Variants in LCK observed in about 807,000 individuals in gnomAD.
LCK encodes the protein tyrosine-protein kinase Lck.
LCK carries 14 observed loss-of-function variants against 64.6 expected under a neutral mutation model. The observed-to-expected ratio is 0.22, with a 90% CI of 0.14 to 0.34. LCK has a LOEUF of 0.34. Among genes scored for constraint, LCK ranks in the 10% least tolerant of loss-of-function variants. The pLI, the probability that LCK is intolerant of heterozygous loss-of-function variation, is 1.00. For missense variants in LCK, 434 were observed against 668.1 expected (o/e 0.65, Z 3.86); for synonymous variants, 277 against 263.6 (o/e 1.05, Z -0.49).
At chr1:32,284,340 A>C (rs1265547192) in intron 12 of LCK, among the ~76,000 whole-genome samples, 1 of 148,120 alleles carries the variant, frequency 6.8e-6, no homozygotes, top group Non-Finnish European at 1.5e-5. Flanking sequence ...AGATATATAT[A>C]TAATAATATA....
chr1:32,272,936 G>A (rs1441611293), intron 1 of LCK, among the ~76,000 whole-genome samples: 1 of 148,600 alleles, frequency 6.7e-6, no homozygotes, highest in Non-Finnish European at 1.5e-5. Flanking sequence ...ATGAATGTGT[G>A]TTGGGGAGGG....
At chr1:32,264,115 G>A (rs1239518719) in intron 1 of LCK, among the ~76,000 whole-genome samples, 1 of 152,118 alleles carries the variant, frequency 6.6e-6, no homozygotes, top group Non-Finnish European at 1.5e-5. Context: ...CACTGCATAT[G>A]TTTTCATATG....
At chr1:32,278,535 C>T (rs548785160) in intron 9 of LCK, among the ~76,000 whole-genome samples, 3 of 152,204 alleles carry the variant, frequency 2.0e-5, no homozygotes, top group Admixed American at 6.5e-5. Context: ...GACAGGTTTT[C>T]GCCTTGTTGG....
At chr1:32,285,274 C>A (rs566383644) in intron 12 of LCK, among the ~76,000 whole-genome samples, 2 of 152,070 alleles carry the variant, frequency 1.3e-5, no homozygotes, top group South Asian at 4.1e-4. Context: ...GCACTCCAGC[C>A]TGGGCAACAA....
intron 1 of LCK, among the ~76,000 whole-genome samples, chr1:32,262,059 T>C (rs1639789370): frequency 6.7e-6 from 1 of 149,318 alleles, no homozygotes; most frequent in Non-Finnish European, 1.5e-5. Flanking sequence ...AATCTTTGTA[T>C]TTTTAGTAGA....
At chr1:32,282,033 G>A (rs1246356925) in intron 12 of LCK, among the ~76,000 whole-genome samples, 2 of 152,150 alleles carry the variant, frequency 1.3e-5, no homozygotes, top group Admixed American at 6.6e-5. Context: ...TCATGCCACC[G>A]CACTCCAGCC....
At chr1:32,274,908 C>G in intron 3 of LCK, 85 bp from the exon 4 acceptor site, 1 of 1,613,986 alleles carries the variant, frequency 6.2e-7, no homozygotes, top group Non-Finnish European at 8.5e-7. Flanking sequence ...TCTCCCCGGT[C>G]TTGCCTTCCT....
At chr1:32,260,137 G>A (rs1015744593) in intron 1 of LCK, among the ~76,000 whole-genome samples, 3 of 151,708 alleles carry the variant, frequency 2.0e-5, no homozygotes, top group Admixed American at 6.6e-5. Context: ...TCAGCCTTCC[G>A]AGTAGCTGGG....
intron 1 of LCK, among the ~76,000 whole-genome samples, chr1:32,267,841 C>A (rs1462608799): frequency 2.0e-5 from 3 of 151,016 alleles, no homozygotes; most frequent in Non-Finnish European, 4.4e-5. Context: ...TTGCAGTGAG[C>A]CGAGATCACA....
At chr1:32,266,775 C>CT in intron 1 of LCK, among the ~76,000 whole-genome samples, 1 of 31,602 alleles carries the variant, frequency 3.2e-5, no homozygotes, top group African/African-American at 1.7e-4. Context: ...CCCTCCCCTT[C>CT]CCCCTCCTCC....
chr1:32,280,443 C>CTTTTTTTTTT (rs770430504), intron 12 of LCK, among the ~76,000 whole-genome samples: 15 of 84,740 alleles, frequency 1.8e-4, no homozygotes, highest in African/African-American at 2.7e-4. Flanking sequence ...TTTTCTTTTT[C>CTTTTTTTTTT]TTTTTTTTTT....
chr1:32,262,699 C>G (rs1639807981), intron 1 of LCK, among the ~76,000 whole-genome samples: 1 of 151,848 alleles, frequency 6.6e-6, no homozygotes, highest in African/African-American at 2.4e-5. Context: ...GCTGGGATTA[C>G]AGGCGTGAGT....
chr1:32,269,009 C>T (rs1640005377), intron 1 of LCK, among the ~76,000 whole-genome samples: 1 of 151,184 alleles, frequency 6.6e-6, no homozygotes, highest in East Asian at 1.9e-4. Context: ...TGGTGCACGC[C>T]TGTAGTCCCA....
At chr1:32,268,775 T>C (rs1382052838) in intron 1 of LCK, among the ~76,000 whole-genome samples, 1 of 146,144 alleles carries the variant, frequency 6.8e-6, no homozygotes, top group Non-Finnish European at 1.5e-5. Flanking sequence ...ATCGTGCCAT[T>C]GCACTCCAGC....
At chr1:32,262,336 G>A (rs1269910383) in intron 1 of LCK, among the ~76,000 whole-genome samples, 3 of 148,284 alleles carry the variant, frequency 2.0e-5, no homozygotes, top group African/African-American at 7.4e-5. Flanking sequence ...CCCCATCTCT[G>A]CTAAAAATAC....
At chr1:32,256,716 C>T (rs1462875542) in intron 1 of LCK, among the ~76,000 whole-genome samples, 1 of 152,172 alleles carries the variant, frequency 6.6e-6, no homozygotes, top group African/African-American at 2.4e-5. Context: ...AATAGGCCAG[C>T]TCCTTTAATC....
rs1218166453 is a variant in LCK, at chr1:32,274,424, G to T, written c.95G>T (p.Gly32Val). Reference protein sequence around the residue: ...NCHYPIVPLDGKGTLLIRNGS... With the variant: ...NCHYPIVPLDVKGTLLIRNGS... ...CATTATCCCATAGTCCCACTGGATG[G>T]CAAGGGCACGGTAAGAGGCGAGACA... Residue 32 changes from glycine (G) to valine (V), a missense_variant, in exon 2 of 13, where the codon GGC (glycine) becomes GTC (valine). Transcript: ENST00000336890. 6.2e-7 allele frequency: 1 copy of T among 1,612,172 alleles called. No homozygotes were observed. The highest frequency in any genetic ancestry group is 8.5e-7 in the Non-Finnish European group (1 of 1,178,966).
Position 32,276,982 on chromosome 1 carries a change from CG to C in LCK, c.964+199del, listed in dbSNP as rs1180568764. ...AATCCCAGCACTTTGGGAGCCGAGG[CG>C]GGCAGATCACGAGGTCAGGAGTTCG... is the stretch of plus-strand genomic sequence containing the variant. On this transcript the variant is annotated intron_variant, in intron 9 of 12. Transcript: ENST00000336890. The surrounding 1 kb of genome is among the most constrained non-coding windows in gnomAD (Gnocchi z 4.6). 3 of 455,692 alleles carry C rather than the reference CG, an allele frequency of 6.6e-6. No individual in the cohort carries two copies. Among genetic ancestry groups the C allele is most frequent in the Non-Finnish European group, 1.1e-5 (3 of 261,004 alleles). The allele number at this position is 455,692 out of a possible 1,614,324, so 28.2% of individuals were successfully genotyped here.
intron 1 of LCK, among the ~76,000 whole-genome samples, chr1:32,261,240 AT>A (rs533208515): frequency 0.024 from 2,511 of 106,074 alleles, 28 homozygotes; most frequent in African/African-American, 0.062. Flanking sequence ...TGCTTGGCTA[AT>A]TTTTTTTTTT....
Sources: gnomAD v4.1 joint callset for allele counts (sites outside exome capture counted in the v4.1 genomes callset) on GRCh38, gnomAD v4.1.1 for gene constraint, Gnocchi (gnomAD v3.1) non-coding constraint, MANE v1.5 for transcripts, NCBI Gene and HGNC (gene_info 2026-07-23, HGNC 2026-07-21) for gene names.